Variants in PHF20L1 observed in about 807,000 individuals in gnomAD.
PHF20L1 encodes the protein PHD finger protein 20 like 1.
A neutral mutation model predicts 125.5 loss-of-function variants in PHF20L1; 44 were observed. The observed-to-expected ratio is 0.35, with a 90% confidence interval of 0.28 to 0.45. PHF20L1 has a LOEUF of 0.45. Among genes scored for constraint, PHF20L1 ranks in the 20% least tolerant of loss-of-function variants. The pLI is 1.00. For synonymous variants in PHF20L1, 380 were observed against 403.1 expected, an observed-to-expected ratio of 0.94 and a Z score of 0.69; for missense variants, 1,012 against 1,217.2, an observed-to-expected ratio of 0.83 and a Z score of 2.51.
chr8:132,795,684 G>C (rs902430739), intron 4 of PHF20L1, among the ~76,000 whole-genome samples: 3 of 151,810 alleles, frequency 2.0e-5, no homozygotes, highest in African/African-American at 7.3e-5. Context: ...TTATCCACGG[G>C]GGATACATTC....
Position 132,843,509 on chromosome 8 carries a change from G to A in PHF20L1, c.2748+634G>A, listed in dbSNP as rs574150230. 5.9e-5 allele frequency: 58 copies of A among 984,122 alleles called. No individual in the cohort carries two copies. In the South Asian group the frequency reaches 1.8e-3, roughly 31 times the overall value. 61.0% of individuals were successfully genotyped at this position (984,122 alleles called of 1,614,324 possible). On this transcript the variant is annotated intron_variant, in intron 19 of 20. Coordinates refer to ENST00000395386, the MANE Select transcript of PHF20L1 (RefSeq NM_016018.5). Reference sequence around the variant, plus strand: ...AATAAGTACTTAAGTGAATTGGAACGTTTGTATTTCGTATCATAAAGTTTG... The same window carrying A: ...AATAAGTACTTAAGTGAATTGGAACATTTGTATTTCGTATCATAAAGTTTG...
At chr8:132,787,121 C>A (rs1480936756) in intron 2 of PHF20L1, among the ~76,000 whole-genome samples, 1 of 151,460 alleles carries the variant, frequency 6.6e-6, no homozygotes. Flanking sequence ...GTTTTAGTGG[C>A]GTAGGAAAGA....
chr8:132,783,707 C>T (rs899674059), intron 2 of PHF20L1, among the ~76,000 whole-genome samples: 1 of 152,012 alleles, frequency 6.6e-6, no homozygotes, highest in Non-Finnish European at 1.5e-5. Flanking sequence ...TTCAGTTTGT[C>T]TATACATAGA....
chr8:132,811,924 T>G (rs1834437347), intron 9 of PHF20L1: 2 of 976,240 alleles, frequency 2.0e-6, no homozygotes, highest in South Asian at 9.5e-5. Flanking sequence ...AAAGAAGACT[T>G]TGAGTATCTT....
rs1187348720 is a variant in PHF20L1 at position 132,847,696 on chromosome 8, A to G, written c.*1773A>G. 1.3e-5 allele frequency: 2 copies of G among 152,580 alleles called. No homozygotes were observed. The highest frequency in any genetic ancestry group is 2.9e-5 in the Non-Finnish European group (2 of 67,994). 9.5% of individuals were successfully genotyped at this position (152,580 alleles called of 1,614,324 possible). ...CCTTTTGAGATTCTCCAACTTGACA[A>G]ATGTGCCAAAGATCAACAGACAGAA... On this transcript the variant is annotated 3_prime_UTR_variant, in exon 21 of 21. Transcript: ENST00000395386.
intron 10 of PHF20L1, 102 bp from the exon 11 acceptor site, chr8:132,816,786 A>G (rs1835037281): frequency 6.2e-6 from 5 of 806,116 alleles, no homozygotes; most frequent in South Asian, 4.9e-5. Flanking sequence ...TAACAACATC[A>G]GAGGGAAGAA....
At chr8:132,783,908 AGTTTT>A (rs1563779059) in intron 2 of PHF20L1, among the ~76,000 whole-genome samples, 1 of 152,190 alleles carries the variant, frequency 6.6e-6, no homozygotes, top group African/African-American at 2.4e-5. Flanking sequence ...GAAATCTGTA[AGTTTT>A]GTTTAAAAAT....
intron 8 of PHF20L1, chr8:132,807,157 C>T (rs1833819315): frequency 1.3e-5 from 2 of 152,370 alleles, no homozygotes; most frequent in Non-Finnish European, 2.9e-5. Flanking sequence ...TACACATATA[C>T]ATATATCATA....
At position 132,848,007 on chromosome 8, in the gene PHF20L1, G is replaced by A. The variant is rs1046092116; in HGVS notation, c.*2084G>A. On this transcript the variant is annotated 3_prime_UTR_variant, in exon 21 of 21. Transcript: ENST00000395386. ...TTTATATCTTCTTTTTTTCAGATAC[G>A]GAGCAAATAGCATCCTTAACCTATG... is the stretch of plus-strand genomic sequence containing the variant. 2.0e-5 allele frequency: 3 copies of A among 151,510 alleles called. No individual in the cohort carries two copies. The highest frequency in any genetic ancestry group is 4.9e-5 in the African/African-American group (2 of 41,220). The allele number at this position is 151,510 out of a possible 1,614,324, so 9.4% of individuals were successfully genotyped here.
chr8:132,842,990 G>T (rs1838083028), intron 19 of PHF20L1, 115 bp downstream of exon 19: 1 of 1,449,734 alleles, frequency 6.9e-7, no homozygotes, highest in South Asian at 1.6e-5. Flanking sequence ...AAGTTCCCCA[G>T]TACCTTGTTA....
chr8:132,778,965 A>G (rs947484001), intron 2 of PHF20L1, among the ~76,000 whole-genome samples: 2 of 152,162 alleles, frequency 1.3e-5, no homozygotes, highest in African/African-American at 4.8e-5. Context: ...ATTGATTTGT[A>G]TTAAGTCAAC....
intron 1 of PHF20L1, among the ~76,000 whole-genome samples, chr8:132,777,455 A>T (rs887362257): frequency 6.6e-6 from 1 of 152,230 alleles, no homozygotes; most frequent in African/African-American, 2.4e-5. Flanking sequence ...AAGCATTTTC[A>T]GCTCTCCCCG....
intron 10 of PHF20L1, chr8:132,815,458 A>C (rs1257712643): frequency 1.3e-5 from 2 of 151,952 alleles, no homozygotes; most frequent in East Asian, 1.9e-4. Context: ...ATATCTATCT[A>C]TCTCCCTATA....
At chr8:132,793,716 A>G (rs1832050388) in intron 2 of PHF20L1, among the ~76,000 whole-genome samples, 1 of 152,226 alleles carries the variant, frequency 6.6e-6, no homozygotes, top group South Asian at 2.1e-4. Context: ...AGACAGAACA[A>G]TGAAATATTT....
intron 17 of PHF20L1, among the ~76,000 whole-genome samples, chr8:132,838,993 A>G (rs1399034862): frequency 6.6e-6 from 1 of 152,128 alleles, no homozygotes. Context: ...GTTCCTATTC[A>G]CTCAGCTAGA....
At chr8:132,844,378 A>G (rs952617675) in intron 20 of PHF20L1, 60 bp downstream of exon 20, 24 of 1,372,628 alleles carry the variant, frequency 1.7e-5, no homozygotes, top group Non-Finnish European at 2.3e-5. Flanking sequence ...ACTATGAAGA[A>G]GTTACTTAAA....
At chr8:132,840,338 CCT>C (rs1563854778) in intron 18 of PHF20L1, among the ~76,000 whole-genome samples, 1 of 151,990 alleles carries the variant, frequency 6.6e-6, no homozygotes, top group Non-Finnish European at 1.5e-5. Context: ...TCAGTCTGTT[CCT>C]CTCTCACTTC....
intron 4 of PHF20L1, among the ~76,000 whole-genome samples, chr8:132,797,913 G>A (rs1586903373): frequency 6.6e-6 from 1 of 151,992 alleles, no homozygotes; most frequent in East Asian, 1.9e-4. Flanking sequence ...GGGAAATGGT[G>A]GAAGAACATT....
At chr8:132,796,032 T>G (rs1832350291) in intron 4 of PHF20L1, among the ~76,000 whole-genome samples, 1 of 152,130 alleles carries the variant, frequency 6.6e-6, no homozygotes, top group Non-Finnish European at 1.5e-5. Flanking sequence ...TTCATTGTTA[T>G]TACTAAAGAA....
Sources: gnomAD v4.1 joint callset for allele counts (sites outside exome capture counted in the v4.1 genomes callset) on GRCh38, gnomAD v4.1.1 for gene constraint, MANE v1.5 for transcripts, NCBI Gene and HGNC (gene_info 2026-07-23, HGNC 2026-07-21) for gene names.